Variants in OAF observed in about 807,000 individuals in gnomAD.
OAF encodes the protein out at first protein homolog.
OAF carries 13 observed loss-of-function variants against 22.5 expected under a neutral mutation model. That is an observed-to-expected ratio of 0.58 (90% CI 0.38 to 0.92). OAF has a LOEUF of 0.92. Among genes scored for constraint, OAF ranks in the 40% least tolerant of loss-of-function variants. The pLI, the probability that OAF is intolerant of heterozygous loss-of-function variation, is 0.00. For synonymous variants in OAF, 175 were observed against 170.5 expected (o/e 1.03, Z -0.21); for missense variants, 347 against 381.8 (o/e 0.91, Z 0.76).
chr11:120,218,510 C>T (rs1298652753), intron 1 of OAF, among the ~76,000 whole-genome samples: 1 of 152,204 alleles, frequency 6.6e-6, no homozygotes, highest in Admixed American at 6.5e-5. Context: ...ATAAAGCAGC[C>T]CCAGCCAGGA....
In OAF at chr11:120,229,155, C is replaced by G; in HGVS notation, c.*13C>G. 24 of 1,604,040 alleles carry G rather than the reference C, an allele frequency of 1.5e-5. No individual in the cohort carries two copies. The highest frequency in any genetic ancestry group is 2.0e-5 in the Non-Finnish European group (24 of 1,173,516). On this transcript the variant is annotated 3_prime_UTR_variant, in exon 4 of 4. Coordinates refer to ENST00000328965, the MANE Select transcript of OAF (RefSeq NM_178507.4). Reference sequence around the variant, plus strand: ...CTACCCAGGCTAGGGTGGGAGCAACCTGGCGGGTGGCTGCTCTGGGCCCAC... The same window carrying G: ...CTACCCAGGCTAGGGTGGGAGCAACGTGGCGGGTGGCTGCTCTGGGCCCAC...
chr11:120,218,685 G>A lies in OAF; in HGVS notation c.232-6976G>A, dbSNP rs1248026066. 2.0e-5 allele frequency among the ~76,000 whole-genome samples: 3 copies of A among 152,182 alleles called. No individual in the cohort carries two copies. The East Asian group carries it at 5.8e-4, about 29-fold the overall frequency. On this transcript the variant is annotated intron_variant, in intron 1 of 3. Coordinates refer to ENST00000328965, the MANE Select transcript of OAF (RefSeq NM_178507.4). ...TGGGAGGGGGCCAAGTGGCTTGTGT[G>A]GCCCTAGAGCGATGACCTGCAGCCT...
rs1022017469 is a variant in OAF, at chr11:120,229,382, A to AG, written c.*243dup. 7 of 240,502 alleles carry AG rather than the reference A, an allele frequency of 2.9e-5. No individual in the cohort carries two copies. Among genetic ancestry groups the AG allele is most frequent in the Non-Finnish European group, 4.3e-5 (6 of 139,716 alleles). The allele number at this position is 240,502 out of a possible 1,614,324, so 14.9% of individuals were successfully genotyped here. On this transcript the variant is annotated 3_prime_UTR_variant, in exon 4 of 4. Transcript: ENST00000328965. Reference sequence around the variant, plus strand: ...TTCCTTGCGGGCAGAGAGGGAGAGAAGGGCTCCCCAGATCTACACCCCTCC... The same window carrying AG: ...TTCCTTGCGGGCAGAGAGGGAGAGAAGGGGCTCCCCAGATCTACACCCCTCC...
chr11:120,211,468 G>C lies in OAF; in HGVS notation c.189G>C (p.Lys63Asn). The C allele has an allele frequency of 1.3e-6, 2 of 1,516,830 alleles. No individual in the cohort carries two copies. The highest frequency in any genetic ancestry group is 1.8e-6 in the Non-Finnish European group (2 of 1,128,908). 94.0% of individuals were successfully genotyped at this position (1,516,830 alleles called of 1,614,324 possible). ...DADSISLELR[K>N]PDGTLVSFTA... ...ACAGCATCAGCCTCGAGCTGCGCAA[G>C]CCCGACGGCACCCTCGTCTCCTTCA... Residue 63 changes from lysine to asparagine, a missense_variant, in exon 1 of 4, where the codon AAG (lysine) becomes AAC (asparagine). By Grantham distance (94) the Lys-to-Asn change is moderately conservative (BLOSUM62 0). Coordinates refer to ENST00000328965, the MANE Select transcript of OAF (RefSeq NM_178507.4).
chr11:120,225,054 G>C (rs550542288), intron 1 of OAF, among the ~76,000 whole-genome samples: 1 of 152,280 alleles, frequency 6.6e-6, no homozygotes, highest in East Asian at 1.9e-4. Flanking sequence ...GGGAGGGAAA[G>C]GAAGAGGCGA....
chr11:120,212,376 G>C (rs189825134), intron 1 of OAF, among the ~76,000 whole-genome samples: 278 of 152,152 alleles, frequency 1.8e-3, no homozygotes, highest in South Asian at 1.7e-3. Flanking sequence ...CTTGCACCCA[G>C]GGGGCTGGGG....
intron 1 of OAF, among the ~76,000 whole-genome samples, chr11:120,216,503 C>T (rs544754035): frequency 6.6e-6 from 1 of 152,278 alleles, no homozygotes; most frequent in East Asian, 1.9e-4. Context: ...CAAGAAGTCG[C>T]CAGATGGAAT....
At chr11:120,218,702 C>T (rs1432947667) in intron 1 of OAF, among the ~76,000 whole-genome samples, 1 of 152,164 alleles carries the variant, frequency 6.6e-6, no homozygotes, top group Admixed American at 6.5e-5. Context: ...GAGCGATGAC[C>T]TGCAGCCTGG....
intron 1 of OAF, among the ~76,000 whole-genome samples, 173 bp downstream of exon 1, chr11:120,211,683 T>C (rs907263895): frequency 2.6e-5 from 4 of 152,052 alleles, no homozygotes; most frequent in African/African-American, 9.7e-5. Context: ...GCCCACCCCT[T>C]CATTCTCTCC....
intron 3 of OAF, among the ~76,000 whole-genome samples, chr11:120,227,586 G>T (rs117281887): frequency 0.024 from 3,671 of 152,224 alleles, 70 homozygotes; most frequent in South Asian, 0.071. Context: ...TCTGCCCCAA[G>T]ATCCTTGGAA....
intron 3 of OAF, 45 bp from the exon 4 acceptor site, chr11:120,228,823 C>CCAACCCGA: frequency 1.9e-6 from 1 of 521,816 alleles, no homozygotes; most frequent in Non-Finnish European, 3.6e-6. Context: ...GAGCTCCTTC[C>CCAACCCGA]CTCCCTCCCT....
At chr11:120,223,910 C>T (rs1938315231) in intron 1 of OAF, among the ~76,000 whole-genome samples, 1 of 152,214 alleles carries the variant, frequency 6.6e-6, no homozygotes, top group African/African-American at 2.4e-5. Flanking sequence ...CAAGTCTCAC[C>T]TGGCAGGAAT....
chr11:120,214,769 C>T (rs979294845), intron 1 of OAF, among the ~76,000 whole-genome samples: 4 of 152,246 alleles, frequency 2.6e-5, no homozygotes, highest in African/African-American at 9.6e-5. Context: ...GTCGTCAACC[C>T]ACTGGAGGAC....
intron 1 of OAF, among the ~76,000 whole-genome samples, chr11:120,213,304 G>A (rs1938174264): frequency 6.6e-6 from 1 of 152,184 alleles, no homozygotes; most frequent in Admixed American, 6.5e-5. Flanking sequence ...ATTGGAGTGA[G>A]GGTATGCTGG....
intron 1 of OAF, among the ~76,000 whole-genome samples, chr11:120,219,506 C>A (rs1414413182): frequency 1.3e-5 from 2 of 152,172 alleles, no homozygotes; most frequent in Admixed American, 6.5e-5. Flanking sequence ...CCAGGGGCTC[C>A]CTCCCCACCC....
chr11:120,213,792 G>C (rs868102067), intron 1 of OAF: 2 of 152,184 alleles, frequency 1.3e-5, no homozygotes, highest in Admixed American at 1.3e-4. Context: ...AAAAGACTTC[G>C]GCTCGGTGTG....
At chr11:120,218,627 G>A (rs530135886) in intron 1 of OAF, among the ~76,000 whole-genome samples, 5 of 152,334 alleles carry the variant, frequency 3.3e-5, no homozygotes, top group Non-Finnish European at 5.9e-5. Context: ...AGGAGAGAGC[G>A]CCAGCTGTCC....
intron 1 of OAF, among the ~76,000 whole-genome samples, chr11:120,216,036 A>T (rs1330893968): frequency 6.6e-6 from 1 of 152,188 alleles, no homozygotes; most frequent in Non-Finnish European, 1.5e-5. Flanking sequence ...GGGGAACTGT[A>T]CAGCTGTGTG....
intron 1 of OAF, among the ~76,000 whole-genome samples, chr11:120,220,246 A>C (rs1447558847): frequency 6.6e-6 from 1 of 152,104 alleles, no homozygotes; most frequent in Non-Finnish European, 1.5e-5. Context: ...CCAGAGAGGC[A>C]CAAGAGGAAG....
Sources: allele counts gnomAD v4.1 joint callset (sites outside exome capture counted in the v4.1 genomes callset), GRCh38; gene constraint gnomAD v4.1.1; transcripts MANE v1.5; gene names NCBI Gene and HGNC (gene_info 2026-07-23, HGNC 2026-07-21).